The following AGK variants were observed in gnomAD, a reference collection of about 807,000 sequenced individuals.
AGK encodes the protein acylglycerol kinase, mitochondrial.
AGK carries 52 observed loss-of-function variants against 66.4 expected under a neutral mutation model. That is an observed-to-expected ratio of 0.78 (90% CI 0.63 to 0.99). AGK has a LOEUF of 0.99. Ranked by LOEUF, AGK falls within the 50% of genes least tolerant of loss-of-function variation. The probability of loss-of-function intolerance (pLI) is 0.00; values close to 1 mark genes in which losing one functional copy is unlikely to be tolerated. For synonymous variants in AGK, 182 were observed against 181.1 expected, an observed-to-expected ratio of 1.00 and a Z score of -0.04; for missense variants, 451 against 506.6, an observed-to-expected ratio of 0.89 and a Z score of 1.05.
intron 6 of AGK, among the ~76,000 whole-genome samples, chr7:141,613,534 G>T (rs147250763): frequency 6.6e-6 from 1 of 152,146 alleles, no homozygotes; most frequent in Non-Finnish European, 1.5e-5. Flanking sequence ...CAGGAGAATC[G>T]CTTGAACCTG....
In AGK at chr7:141,577,099, A is replaced by G. The variant is rs576419862; in HGVS notation, c.102-16047A>G. On this transcript the variant is annotated intron_variant, in intron 2 of 15. Coordinates refer to ENST00000649286, the MANE Select transcript of AGK (RefSeq NM_018238.4). ...TCTCCCCAGCCCCCTCAACTATCTA[A>G]GTGGACTCCCTCCTCAGCCAGGGCA... Among the ~76,000 whole-genome samples the G allele has an allele frequency of 2.0e-5, 3 of 152,230 alleles. No individual in the cohort carries two copies. In the East Asian group the frequency reaches 5.8e-4, roughly 29 times the overall value.
chr7:141,614,154 T>C lies in AGK; in HGVS notation c.399T>C (p.Thr133=). Reference sequence around the variant, plus strand: ...TATTATTACATTTGTAGGTTGTTACTGGTGTTCTTCGACGAACAGATGAGG... The same window carrying C: ...TATTATTACATTTGTAGGTTGTTACCGGTGTTCTTCGACGAACAGATGAGG... The part of the protein sequence containing the change: ...GGDGTLQEVV[T]GVLRRTDEAT... The change falls in exon 7 of 16, where the codon ACT becomes ACC. Residue 133 remains threonine, a synonymous_variant. Coordinates refer to ENST00000649286, the MANE Select transcript of AGK (RefSeq NM_018238.4). The C allele has an allele frequency of 6.5e-7, 1 of 1,536,452 alleles. No individual in the cohort carries two copies. The highest frequency in any genetic ancestry group is 8.9e-7 in the Non-Finnish European group (1 of 1,127,766).
At chr7:141,586,302 C>T (rs915750510) in intron 2 of AGK, among the ~76,000 whole-genome samples, 4 of 152,182 alleles carry the variant, frequency 2.6e-5, no homozygotes, top group South Asian at 2.1e-4. Context: ...GACTCTTACC[C>T]TTGCCCTTTG....
chr7:141,653,055 G>GC lies in AGK; in HGVS notation c.*136dup. On this transcript the variant is annotated 3_prime_UTR_variant, in exon 16 of 16. Transcript: ENST00000649286. ...GCATTTTCATGGCAAGTACCCCTCT[G>GC]CCCCCACTCCAGCAGTGCTTCCCAA... is the stretch of plus-strand genomic sequence containing the variant. The GC allele has an allele frequency of 1.9e-6, 2 of 1,079,578 alleles. No individual in the cohort carries two copies. Among genetic ancestry groups the GC allele is most frequent in the Non-Finnish European group, 2.7e-6 (2 of 751,132 alleles). The allele number at this position is 1,079,578 out of a possible 1,614,324, so 66.9% of individuals were successfully genotyped here. A position where few individuals can be genotyped will look rare whatever the true frequency, so the allele number is the denominator to read the frequency against.
At chr7:141,590,955 G>A (rs1796100592) in intron 2 of AGK, among the ~76,000 whole-genome samples, 1 of 152,108 alleles carries the variant, frequency 6.6e-6, no homozygotes, top group South Asian at 2.1e-4. Flanking sequence ...TTAAGCCAAT[G>A]GGGACTGGGC....
At chr7:141,562,833 A>G (rs1795379600) in intron 2 of AGK, among the ~76,000 whole-genome samples, 1 of 152,182 alleles carries the variant, frequency 6.6e-6, no homozygotes, top group Admixed American at 6.5e-5. Flanking sequence ...TCTGCTCACA[A>G]TGTTGGTGGC....
In AGK at chr7:141,555,618, C is replaced by T. The variant is rs761695053; in HGVS notation, c.101+51C>T. On this transcript the variant is annotated intron_variant, in intron 2 of 15. Coordinates refer to ENST00000649286, the MANE Select transcript of AGK (RefSeq NM_018238.4). The surrounding 1 kb of genome is among the most constrained non-coding windows in gnomAD (Gnocchi z 4.2). ...CCTTTGCATCTGCAGCAAAACAGCC[C>T]CAAAGGGCCTCAGGTTAAAATCTTG... 8.1e-6 allele frequency: 11 copies of T among 1,359,500 alleles called. No homozygotes were observed. Among genetic ancestry groups the T allele is most frequent in the Non-Finnish European group, 1.1e-5 (11 of 959,220 alleles). The allele number at this position is 1,359,500 out of a possible 1,614,324, so 84.2% of individuals were successfully genotyped here.
chr7:141,590,870 T>G (rs1796099124), intron 2 of AGK, among the ~76,000 whole-genome samples: 1 of 152,012 alleles, frequency 6.6e-6, no homozygotes. Context: ...CATGAATATT[T>G]GTGAATACTG....
intron 5 of AGK, among the ~76,000 whole-genome samples, chr7:141,604,374 G>GTGTGTATA (rs1554400830): frequency 8.8e-6 from 1 of 113,802 alleles, no homozygotes; most frequent in South Asian, 2.9e-4. Context: ...GTGTGTGTGT[G>GTGTGTATA]TATATATATA....
intron 14 of AGK, chr7:141,650,511 TGAAGA>T: frequency 1.0e-6 from 1 of 985,482 alleles, no homozygotes; most frequent in Non-Finnish European, 1.2e-6. Context: ...TCTGGATATC[TGAAGA>T]GAACATAGTG....
intron 2 of AGK, among the ~76,000 whole-genome samples, chr7:141,559,255 T>G (rs1795283850): frequency 6.6e-6 from 1 of 152,180 alleles, no homozygotes; most frequent in Admixed American, 6.5e-5. Context: ...GGGTCTTACA[T>G]TTAGGTCTTT....
rs1047387783 is a variant in AGK, at chr7:141,562,081, G to A, written c.101+6514G>A. The A allele has an allele frequency of 1.3e-4, 59 of 456,176 alleles. No individual in the cohort carries two copies. The Admixed American group carries it at 1.4e-3, about 11-fold the overall frequency. 28.3% of individuals were successfully genotyped at this position (456,176 alleles called of 1,614,324 possible). A position where few individuals can be genotyped will look rare whatever the true frequency, so the allele number is the denominator to read the frequency against. ...GTGGAGGTGGCAGGGGAATGATGTA[G>A]ACTCTGTGAGGATCCTTGGCTATAG... On this transcript the variant is annotated intron_variant, in intron 2 of 15. Transcript: ENST00000649286.
At chr7:141,649,179 A>G (rs1797490832) in intron 13 of AGK, 84 bp from the exon 14 acceptor site, 6 of 810,644 alleles carry the variant, frequency 7.4e-6, no homozygotes, top group Non-Finnish European at 1.3e-5. Context: ...GCTTCAAACT[A>G]TGAACCATCA....
intron 2 of AGK, among the ~76,000 whole-genome samples, chr7:141,557,869 C>T (rs1050541003): frequency 6.6e-6 from 1 of 152,176 alleles, no homozygotes; most frequent in African/African-American, 2.4e-5. Context: ...AGGACATAAA[C>T]ATTTTCACCT....
intron 5 of AGK, among the ~76,000 whole-genome samples, chr7:141,604,370 GTGTGTATATATATATA>G (rs915854932): frequency 4.2e-5 from 3 of 71,282 alleles, no homozygotes; most frequent in Non-Finnish European, 8.0e-5. Flanking sequence ...ATGTGTGTGT[GTGTGTATATATATATA>G]TATATATATA....
intron 14 of AGK, 84 bp from the exon 15 acceptor site, chr7:141,651,441 A>G: frequency 1.8e-6 from 2 of 1,112,822 alleles, no homozygotes; most frequent in Non-Finnish European, 2.7e-6. Flanking sequence ...AGCTCATAAA[A>G]AGGGGGAAAG....
intron 3 of AGK, among the ~76,000 whole-genome samples, chr7:141,595,397 T>C (rs1234547812): frequency 6.6e-6 from 1 of 152,140 alleles, no homozygotes; most frequent in Non-Finnish European, 1.5e-5. Context: ...AGAATAGAAA[T>C]TATAATGTTC....
rs747801268 is a variant in AGK at position 141,598,793 on chromosome 7, A to G, written c.221+2152A>G. Among the ~76,000 whole-genome samples, 93 of 152,286 alleles carry G rather than the reference A, an allele frequency of 6.1e-4. 1 individual carries two copies. The highest frequency in any genetic ancestry group is 2.0e-3 in the Admixed American group (31 of 15,296). ...TTCTATTCCTTTAGAGACCTAATAA[A>G]TTAACAACCTGCTAATTTCTGATGA... is the stretch of plus-strand genomic sequence containing the variant. On this transcript the variant is annotated intron_variant, in intron 4 of 15. Coordinates refer to ENST00000649286, the MANE Select transcript of AGK (RefSeq NM_018238.4). This position sits in a 1 kb window ranked among gnomAD's most constrained non-coding sequence, Gnocchi z 4.2.
chr7:141,611,182 C>A lies in AGK; in HGVS notation c.298-13C>A. The A allele has an allele frequency of 6.3e-7, 1 of 1,584,076 alleles. No individual in the cohort carries two copies. The highest frequency in any genetic ancestry group is 1.1e-5 in the South Asian group (1 of 89,502). On this transcript the variant is annotated splice_polypyrimidine_tract_variant and intron_variant, in intron 5 of 15. Coordinates refer to ENST00000649286, the MANE Select transcript of AGK (RefSeq NM_018238.4). ...GGTTGATAAACTCACCAAAGGCTTC[C>A]TTGGTATTTCAGACAGATTATGAGG...
Sources: allele counts gnomAD v4.1 joint callset (sites outside exome capture counted in the v4.1 genomes callset), GRCh38; gene constraint gnomAD v4.1.1; non-coding constraint Gnocchi (gnomAD v3.1); transcripts MANE v1.5; gene names NCBI Gene and HGNC (gene_info 2026-07-23, HGNC 2026-07-21).